RMST: variants seen among roughly 807,000 people sequenced by gnomAD.
The protein encoded by RMST is rhabdomyosarcoma 2 associated transcript.
chr12:97,511,420 G>A (rs995738628), intron 10 of RMST, among the ~76,000 whole-genome samples: 5 of 152,116 alleles, frequency 3.3e-5, no homozygotes, highest in Non-Finnish European at 7.4e-5. Flanking sequence ...AAGTGCATGA[G>A]CCACTGTGGC....
At chr12:97,466,371 C>A (rs1873187114) in intron 5 of RMST, among the ~76,000 whole-genome samples, 1 of 152,112 alleles carries the variant, frequency 6.6e-6, no homozygotes. Context: ...ACTTGGGTTT[C>A]TTACTTCAAG....
intron 10 of RMST, among the ~76,000 whole-genome samples, chr12:97,514,686 A>G (rs986240032): frequency 2.6e-5 from 4 of 151,738 alleles, no homozygotes; most frequent in Admixed American, 6.6e-5. Context: ...TTTTCTTAGC[A>G]AAGTGACAAA....
At chr12:97,493,188 A>G (rs1049142067) in exon 7 of RMST, 1 of 152,614 alleles carries the variant, frequency 6.6e-6, no homozygotes, top group Admixed American at 6.5e-5. Flanking sequence ...AAGGAAGGAG[A>G]GACTGTTTCT....
chr12:97,536,658 A>G (rs1565934775), intron 11 of RMST, among the ~76,000 whole-genome samples: 2 of 151,530 alleles, frequency 1.3e-5, no homozygotes, highest in Non-Finnish European at 3.0e-5. Flanking sequence ...CCAGTACTTC[A>G]TTATAAAGGC....
At chr12:97,541,902 G>T (rs750118552) in intron 11 of RMST, among the ~76,000 whole-genome samples, 1 of 151,790 alleles carries the variant, frequency 6.6e-6, no homozygotes, top group Non-Finnish European at 1.5e-5. Context: ...AACATAAAAC[G>T]TGCAAGGCAC....
chr12:97,499,294 A>G (rs1473954607), intron 10 of RMST, among the ~76,000 whole-genome samples: 1 of 151,652 alleles, frequency 6.6e-6, no homozygotes, highest in African/African-American at 2.4e-5. Context: ...TTGCTTGTCC[A>G]TTGTATTTCT....
intron 10 of RMST, among the ~76,000 whole-genome samples, chr12:97,501,094 G>A (rs533411186): frequency 6.6e-6 from 1 of 152,322 alleles, no homozygotes; most frequent in African/African-American, 2.4e-5. Flanking sequence ...CACAGACAAG[G>A]CTTTGAGGAG....
chr12:97,515,973 T>C (rs1241290326), intron 10 of RMST, among the ~76,000 whole-genome samples: 3 of 152,062 alleles, frequency 2.0e-5, no homozygotes, highest in African/African-American at 7.2e-5. Context: ...ATTTTGTCTC[T>C]TCTATAAACT....
At chr12:97,518,786 GA>G (rs1308888519) in intron 10 of RMST, among the ~76,000 whole-genome samples, 1 of 151,778 alleles carries the variant, frequency 6.6e-6, no homozygotes, top group East Asian at 1.9e-4. Context: ...GCATTTTTTA[GA>G]AAAAAGGTCT....
chr12:97,556,889 A>G (rs954329430), intron 11 of RMST, among the ~76,000 whole-genome samples: 14 of 152,172 alleles, frequency 9.2e-5, no homozygotes, highest in Non-Finnish European at 1.8e-4. Flanking sequence ...TAGACTTGGG[A>G]AAAAGGAGGT....
chr12:97,488,015 G>A (rs150909782), intron 5 of RMST, among the ~76,000 whole-genome samples: 45 of 152,226 alleles, frequency 3.0e-4, no homozygotes, highest in Non-Finnish European at 5.1e-4. Context: ...TGAGACTTTC[G>A]GCAGAAGGCT....
intron 10 of RMST, among the ~76,000 whole-genome samples, chr12:97,518,296 T>C (rs1447707095): frequency 6.6e-6 from 1 of 152,174 alleles, no homozygotes; most frequent in African/African-American, 2.4e-5. Flanking sequence ...ACTATTGATA[T>C]TTATTTGGAG....
chr12:97,484,235 A>G (rs1337787137), intron 5 of RMST, among the ~76,000 whole-genome samples: 1 of 152,194 alleles, frequency 6.6e-6, no homozygotes, highest in Non-Finnish European at 1.5e-5. Context: ...CAATACAACC[A>G]TAAGAGCTAT....
intron 11 of RMST, among the ~76,000 whole-genome samples, chr12:97,548,056 T>G (rs1883063532): frequency 6.6e-6 from 1 of 152,114 alleles, no homozygotes; most frequent in Admixed American, 6.6e-5. Flanking sequence ...TTAACCTATT[T>G]TGAATTGATT....
chr12:97,463,111 C>T (rs146260379), intron 3 of RMST: 1 of 151,192 alleles, frequency 6.6e-6, no homozygotes, highest in Admixed American at 6.6e-5. Flanking sequence ...CATACACAAG[C>T]GCAAATCCTC....
chr12:97,514,894 A>G (rs1879777964), intron 10 of RMST, among the ~76,000 whole-genome samples: 1 of 152,156 alleles, frequency 6.6e-6, no homozygotes, highest in African/African-American at 2.4e-5. Flanking sequence ...CTACACAAAC[A>G]CTGTCAAGAA....
chr12:97,536,693 C>T (rs184836456), intron 11 of RMST, among the ~76,000 whole-genome samples: 29 of 151,442 alleles, frequency 1.9e-4, no homozygotes, highest in Admixed American at 1.1e-3. Flanking sequence ...AAGAAATAAA[C>T]CTAAGCTTCA....
intron 10 of RMST, among the ~76,000 whole-genome samples, chr12:97,525,829 G>A (rs1314169837): frequency 1.3e-5 from 2 of 152,138 alleles, no homozygotes; most frequent in Non-Finnish European, 2.9e-5. Flanking sequence ...GCAAGTGAGA[G>A]AAGCTTCATC....
At chr12:97,467,274 T>C (rs1212042851) in intron 5 of RMST, among the ~76,000 whole-genome samples, 2 of 152,014 alleles carry the variant, frequency 1.3e-5, no homozygotes, top group South Asian at 2.1e-4. Context: ...TTTCAGGAGA[T>C]GTACACACAA....
Sources: gnomAD v4.1 joint callset for allele counts (sites outside exome capture counted in the v4.1 genomes callset) on GRCh38, gnomAD v4.1.1 for gene constraint, MANE v1.5 for transcripts, NCBI Gene and HGNC (gene_info 2026-07-23, HGNC 2026-07-21) for gene names.